The following PCDH15 variants were observed in gnomAD, a reference collection of about 807,000 sequenced individuals.
PCDH15 encodes protocadherin related 15, also known as protocadherin-15.
PCDH15 carries 129 observed loss-of-function variants against 178.5 expected under a neutral mutation model. The observed-to-expected ratio is 0.72, with a 90% CI of 0.63 to 0.84. The LOEUF (loss-of-function observed/expected upper bound fraction) is 0.84, where lower values mean the gene tolerates loss of function less well. Ranked by LOEUF, PCDH15 falls within the 40% of genes least tolerant of loss-of-function variation. The pLI is 0.00. For missense variants in PCDH15, 2,230 were observed against 2,099.9 expected, an observed-to-expected ratio of 1.06 and a Z score of -1.21; for synonymous variants, 800 against 732.0, an observed-to-expected ratio of 1.09 and a Z score of -1.50.
At chr10:55,450,535 CT>C (rs1471612296) in intron 2 of PCDH15, among the ~76,000 whole-genome samples, 5 of 152,086 alleles carry the variant, frequency 3.3e-5, no homozygotes, top group East Asian at 1.9e-4. Flanking sequence ...GATCAGAACT[CT>C]TTTGGTACTA....
At chr10:55,128,225 T>C (rs555099519) in intron 2 of PCDH15, among the ~76,000 whole-genome samples, 136 of 152,096 alleles carry the variant, frequency 8.9e-4, no homozygotes, top group Non-Finnish European at 1.5e-3. Context: ...ACTTCCTTAC[T>C]ACCATCCTTT....
chr10:54,702,667 C>T (rs537941734), intron 1 of PCDH15, among the ~76,000 whole-genome samples: 95 of 151,642 alleles, frequency 6.3e-4, no homozygotes, highest in African/African-American at 2.1e-3. Flanking sequence ...GAAGAAATTG[C>T]AACCCTGAAC....
At chr10:54,054,648 T>G (rs752320489) in intron 18 of PCDH15, among the ~76,000 whole-genome samples, 2 of 152,242 alleles carry the variant, frequency 1.3e-5, no homozygotes, top group East Asian at 1.9e-4. Flanking sequence ...CCTAAATAAA[T>G]ATTGTAAAAA....
intron 2 of PCDH15, among the ~76,000 whole-genome samples, chr10:55,430,954 A>T (rs1375324853): frequency 6.6e-6 from 1 of 152,170 alleles, no homozygotes; most frequent in African/African-American, 2.4e-5. Flanking sequence ...CCACATCAAG[A>T]TTAACTCTAA....
chr10:54,737,119 A>T (rs1403422991), intron 1 of PCDH15, among the ~76,000 whole-genome samples: 1 of 152,122 alleles, frequency 6.6e-6, no homozygotes, highest in African/African-American at 2.4e-5. Context: ...GACATGAAAG[A>T]AGCACAGAAA....
chr10:54,139,662 GA>G (rs2043209570), intron 14 of PCDH15, among the ~76,000 whole-genome samples: 1 of 150,108 alleles, frequency 6.7e-6, no homozygotes, highest in Non-Finnish European at 1.5e-5. Flanking sequence ...GAATTCTAAA[GA>G]AGATGTGTTT....
intron 15 of PCDH15, among the ~76,000 whole-genome samples, chr10:54,106,157 T>A (rs2094914526): frequency 1.3e-5 from 2 of 152,154 alleles, no homozygotes; most frequent in African/African-American, 4.8e-5. Flanking sequence ...TATAGGCTTT[T>A]TTTATGGTGT....
chr10:54,919,914 C>T (rs1056431380), intron 2 of PCDH15, among the ~76,000 whole-genome samples: 3 of 151,836 alleles, frequency 2.0e-5, no homozygotes, highest in Admixed American at 2.0e-4. Context: ...GGCTCTGTAA[C>T]ATTTGAGAAT....
chr10:55,581,146 A>G (rs2132120339), intron 2 of PCDH15, among the ~76,000 whole-genome samples: 1 of 152,268 alleles, frequency 6.6e-6, no homozygotes, highest in Non-Finnish European at 1.5e-5. Context: ...ATGGCCATAT[A>G]TAGAGTCAGC....
rs567120146 is a variant in PCDH15, at chr10:55,076,867, C to G, written c.-80+89709G>C. ...CACTGCAACCTCTGTCTCCTTGGTT[C>G]AAGCGATTCTCCTGCCTCAGCCTCC... On this transcript the variant is annotated intron_variant, in intron 2 of 5. Coordinates refer to the PCDH15 transcript ENST00000458638. Among the ~76,000 whole-genome samples the G allele has an allele frequency of 2.8e-5, 4 of 144,780 alleles. No individual in the cohort carries two copies. The South Asian group carries it at 8.9e-4, about 32-fold the overall frequency. The allele number at this position is 144,780 out of a possible 152,430, so 95.0% of individuals were successfully genotyped here. A position where few individuals can be genotyped will look rare whatever the true frequency, so the allele number is the denominator to read the frequency against.
At chr10:55,181,696 T>C (rs1006433098) in intron 1 of PCDH15, among the ~76,000 whole-genome samples, 35 of 151,998 alleles carry the variant, frequency 2.3e-4, no homozygotes. Flanking sequence ...TATAAATGCA[T>C]ATATTATGTG....
chr10:54,016,500 C>T (rs1565019948), intron 20 of PCDH15, among the ~76,000 whole-genome samples: 1 of 151,856 alleles, frequency 6.6e-6, no homozygotes, highest in African/African-American at 2.4e-5. Context: ...CAATGGTAGA[C>T]TAAATAAAGA....
At chr10:54,593,942 C>T (rs568475125) in intron 2 of PCDH15, among the ~76,000 whole-genome samples, 6 of 151,454 alleles carry the variant, frequency 4.0e-5, no homozygotes, top group South Asian at 4.2e-4. Context: ...ATCAGGAAGA[C>T]GGGTGTACCC....
intron 13 of PCDH15, among the ~76,000 whole-genome samples, chr10:54,179,290 A>C (rs2047744902): frequency 6.6e-6 from 1 of 152,060 alleles, no homozygotes; most frequent in Non-Finnish European, 1.5e-5. Context: ...GAAATTGGGA[A>C]TCATCATTCT....
At chr10:55,341,762 C>CCTAT (rs1844564388) in intron 2 of PCDH15, among the ~76,000 whole-genome samples, 1 of 44,000 alleles carries the variant, frequency 2.3e-5, no homozygotes, top group Non-Finnish European at 4.1e-5. Flanking sequence ...CATACATATG[C>CCTAT]ATATATATAT....
chr10:54,596,017 G>A (rs1420744230), intron 2 of PCDH15, among the ~76,000 whole-genome samples: 2 of 152,040 alleles, frequency 1.3e-5, no homozygotes, highest in African/African-American at 4.8e-5. Flanking sequence ...GAGATGAGAA[G>A]AAAGAAAGCA....
chr10:53,965,140 C>T (rs2088866519), intron 21 of PCDH15, among the ~76,000 whole-genome samples: 3 of 151,894 alleles, frequency 2.0e-5, no homozygotes. Flanking sequence ...TCACTGCAAC[C>T]TCCGCCTCTC....
At chr10:55,098,783 G>A (rs528303929) in intron 2 of PCDH15, among the ~76,000 whole-genome samples, 39 of 151,960 alleles carry the variant, frequency 2.6e-4, no homozygotes, top group Non-Finnish European at 4.7e-4. Context: ...AATTTGCGGT[G>A]GGCTGGTTTT....
chr10:55,393,783 A>C (rs945605377), intron 2 of PCDH15, among the ~76,000 whole-genome samples: 2 of 152,126 alleles, frequency 1.3e-5, no homozygotes, highest in Non-Finnish European at 2.9e-5. Flanking sequence ...ATAAGCAACT[A>C]TAGACCTTAA....
Sources: gnomAD v4.1 joint callset for allele counts (sites outside exome capture counted in the v4.1 genomes callset) on GRCh38, gnomAD v4.1.1 for gene constraint, MANE v1.5 for transcripts, NCBI Gene and HGNC (gene_info 2026-07-23, HGNC 2026-07-21) for gene names.